KHDRBS2: variants seen among roughly 807,000 people sequenced by gnomAD.
The protein encoded by KHDRBS2 is KH RNA binding domain containing, signal transduction associated 2.
KHDRBS2 carries 26 observed loss-of-function variants against 44.3 expected under a neutral mutation model. The observed-to-expected ratio is 0.59, with a 90% confidence interval of 0.43 to 0.81. The LOEUF (loss-of-function observed/expected upper bound fraction) is 0.81, where lower values mean the gene tolerates loss of function less well. Among genes scored for constraint, KHDRBS2 ranks in the 40% least tolerant of loss-of-function variants. The pLI is 0.00. For synonymous variants in KHDRBS2, 194 were observed against 151.1 expected (o/e 1.28, Z -2.08); for missense variants, 476 against 433.1 (o/e 1.10, Z -0.88).
intron 6 of KHDRBS2, among the ~76,000 whole-genome samples, chr6:61,775,710 A>G (rs1781856150): frequency 6.6e-6 from 1 of 152,234 alleles, no homozygotes; most frequent in African/African-American, 2.4e-5. Flanking sequence ...GAAAATGGCC[A>G]TACTGCCCAA....
intron 2 of KHDRBS2, among the ~76,000 whole-genome samples, chr6:62,115,463 A>G (rs1352904670): frequency 6.6e-6 from 1 of 152,222 alleles, no homozygotes; most frequent in Non-Finnish European, 1.5e-5. Context: ...ATCAAATAGC[A>G]AAGCTAGGAT....
At chr6:61,961,805 A>G (rs1169215321) in intron 4 of KHDRBS2, among the ~76,000 whole-genome samples, 1 of 152,126 alleles carries the variant, frequency 6.6e-6, no homozygotes, top group Non-Finnish European at 1.5e-5. Flanking sequence ...CTTGAAGGCC[A>G]TTATAAATTC....
chr6:62,022,172 T>C (rs1174239233), intron 3 of KHDRBS2, among the ~76,000 whole-genome samples: 1 of 151,558 alleles, frequency 6.6e-6, no homozygotes, highest in Non-Finnish European at 1.5e-5. Flanking sequence ...TTTTCCTTAT[T>C]AAGTAAACAT....
Position 62,070,062 on chromosome 6 carries a change from A to G in KHDRBS2, c.220-22068T>C, listed in dbSNP as rs554569858. Among the ~76,000 whole-genome samples, 5 of 151,708 alleles carry G rather than the reference A, an allele frequency of 3.3e-5. 1 individual carries two copies. In the South Asian group the frequency reaches 1.0e-3, roughly 31 times the overall value. On this transcript the variant is annotated intron_variant, in intron 2 of 8. Transcript: ENST00000281156. ...AGACACTTTTTCTCCGTCTATTAAG[A>G]TTCATATGGTTTTTGCTCCTTATTT...
chr6:62,035,986 T>C (rs1440794083), intron 3 of KHDRBS2, among the ~76,000 whole-genome samples: 2 of 151,958 alleles, frequency 1.3e-5, no homozygotes, highest in Admixed American at 1.3e-4. Context: ...TACAAAACTA[T>C]ACAGGGAAAC....
intron 6 of KHDRBS2, among the ~76,000 whole-genome samples, chr6:61,776,346 G>C (rs1225594000): frequency 6.6e-6 from 1 of 152,076 alleles, no homozygotes; most frequent in Non-Finnish European, 1.5e-5. Context: ...CCATCAGAGT[G>C]AACAGGCAAC....
At chr6:61,597,853 C>T in the KHDRBS2 span, among the ~76,000 whole-genome samples, 2 of 129,082 alleles carry the variant, frequency 1.5e-5, no homozygotes, top group Non-Finnish European at 3.3e-5. Context: ...TTGCCAAAAA[C>T]ACACAAACAA....
At chr6:61,615,551 C>A in the KHDRBS2 span, among the ~76,000 whole-genome samples, 1 of 152,112 alleles carries the variant, frequency 6.6e-6, no homozygotes, top group African/African-American at 2.4e-5. Context: ...AATCAGCTAA[C>A]CTCTTCTTTT....
chr6:61,625,314 A>G, the KHDRBS2 span, among the ~76,000 whole-genome samples: 2 of 149,848 alleles, frequency 1.3e-5, no homozygotes, highest in South Asian at 4.3e-4. Context: ...TCTCTCAGGG[A>G]GAGTGGCCCA....
intron 6 of KHDRBS2, among the ~76,000 whole-genome samples, chr6:61,822,314 T>C (rs1790049825): frequency 6.6e-6 from 1 of 151,970 alleles, no homozygotes; most frequent in Non-Finnish European, 1.5e-5. Flanking sequence ...GTTTTCCAAG[T>C]CAAGAAGACT....
intron 1 of KHDRBS2, among the ~76,000 whole-genome samples, chr6:62,233,485 T>C (rs1464944322): frequency 1.3e-5 from 2 of 152,162 alleles, no homozygotes; most frequent in Admixed American, 6.5e-5. Context: ...CAAAAACTGG[T>C]CTTTTCAAAA....
At chr6:62,207,899 T>A (rs973387123) in intron 1 of KHDRBS2, among the ~76,000 whole-genome samples, 1 of 152,140 alleles carries the variant, frequency 6.6e-6, no homozygotes, top group Non-Finnish European at 1.5e-5. Flanking sequence ...AGTTACTTAT[T>A]TTTTTGACAA....
At chr6:62,051,839 T>C (rs377417033) in intron 2 of KHDRBS2, among the ~76,000 whole-genome samples, 2 of 151,822 alleles carry the variant, frequency 1.3e-5, no homozygotes, top group African/African-American at 2.4e-5. Context: ...TAGACACTTA[T>C]AAAAAGAAAT....
intron 2 of KHDRBS2, among the ~76,000 whole-genome samples, chr6:62,077,774 C>A (rs767520214): frequency 4.6e-5 from 7 of 151,978 alleles, no homozygotes; most frequent in Non-Finnish European, 8.8e-5. Context: ...CAGCTGGACA[C>A]ATAGTAGTTA....
intron 2 of KHDRBS2, among the ~76,000 whole-genome samples, chr6:62,107,937 A>T (rs1263545310): frequency 6.6e-6 from 1 of 152,142 alleles, no homozygotes; most frequent in Non-Finnish European, 1.5e-5. Flanking sequence ...TTATACAAAA[A>T]TTAATTCAAG....
At chr6:61,828,940 A>G (rs1791355204) in intron 6 of KHDRBS2, among the ~76,000 whole-genome samples, 1 of 152,250 alleles carries the variant, frequency 6.6e-6, no homozygotes, top group South Asian at 2.1e-4. Context: ...CTTCATTAGT[A>G]TACAGTGGGT....
intron 2 of KHDRBS2, among the ~76,000 whole-genome samples, chr6:62,064,178 T>C (rs1380070443): frequency 2.9e-5 from 3 of 103,994 alleles, no homozygotes. Context: ...GTAGGAAGAA[T>C]CAATATTGTG....
chr6:62,227,912 G>C lies in KHDRBS2; in HGVS notation c.92-50600C>G, dbSNP rs570945290. Among the ~76,000 whole-genome samples, 3 of 152,268 alleles carry C rather than the reference G, an allele frequency of 2.0e-5. No homozygotes were observed. In the South Asian group the frequency reaches 6.2e-4, roughly 32 times the overall value. ...TGGACAAGCTTTTGATGTGCTGCTGGATTTGGTTTCCCAGTATTTTGTTGA... is the reference window on the plus strand; with the variant it reads ...TGGACAAGCTTTTGATGTGCTGCTGCATTTGGTTTCCCAGTATTTTGTTGA... On this transcript the variant is annotated intron_variant, in intron 1 of 8. Coordinates refer to ENST00000281156, the MANE Select transcript of KHDRBS2 (RefSeq NM_152688.4).
At chr6:62,152,560 T>C (rs1193285217) in intron 2 of KHDRBS2, among the ~76,000 whole-genome samples, 4 of 152,224 alleles carry the variant, frequency 2.6e-5, no homozygotes, top group Non-Finnish European at 5.9e-5. Context: ...TTCTTCTTAG[T>C]GTGATATACA....
Sources: gnomAD v4.1 joint callset for allele counts (sites outside exome capture counted in the v4.1 genomes callset) on GRCh38, gnomAD v4.1.1 for gene constraint, MANE v1.5 for transcripts, NCBI Gene and HGNC (gene_info 2026-07-23, HGNC 2026-07-21) for gene names.